The following STK32A variants were observed in gnomAD, a reference collection of about 807,000 sequenced individuals.
STK32A encodes serine/threonine kinase 32A, also known as serine/threonine-protein kinase 32A.
Under a neutral mutation model 53.2 loss-of-function variants are expected in STK32A, and 41 were observed. That is an observed-to-expected ratio of 0.77 (90% CI 0.60 to 1.00). The LOEUF (loss-of-function observed/expected upper bound fraction) is 1.00. Ranked by LOEUF, STK32A falls within the 50% of genes least tolerant of loss-of-function variation. STK32A has a pLI of 0.00. For missense variants in STK32A, 458 were observed against 485.8 expected (o/e 0.94, Z 0.54); for synonymous variants, 166 against 162.8 (o/e 1.02, Z -0.15).
chr5:147,257,728 C>T (rs1421360847), intron 2 of STK32A, among the ~76,000 whole-genome samples: 1 of 152,016 alleles, frequency 6.6e-6, no homozygotes, highest in African/African-American at 2.4e-5. Context: ...TCCTTCTTTC[C>T]ACCCTTTGAT....
At position 147,384,272 on chromosome 5, in the gene STK32A, T is replaced by G; in HGVS notation, c.*289T>G. ...GGGTTATACTAGACGAGCCATACCC[T>G]GCCTTTTTAGTGCTATAGTTGTTAT... is the stretch of plus-strand genomic sequence containing the variant. On this transcript the variant is annotated 3_prime_UTR_variant, in exon 13 of 13. Transcript: ENST00000397936. 1 of 1,346,170 alleles carries G rather than the reference T, an allele frequency of 7.4e-7. No homozygotes were observed. Among genetic ancestry groups the G allele is most frequent in the Non-Finnish European group, 9.8e-7 (1 of 1,020,316 alleles). 83.4% of individuals were successfully genotyped at this position (1,346,170 alleles called of 1,614,324 possible). A position where few individuals can be genotyped will look rare whatever the true frequency, so the allele number is the denominator to read the frequency against.
chr5:147,334,136 G>A (rs1002816331), intron 5 of STK32A, among the ~76,000 whole-genome samples: 38 of 152,134 alleles, frequency 2.5e-4, no homozygotes, highest in African/African-American at 9.2e-4. Context: ...GAGTAATTTG[G>A]AGACTGACAA....
the STK32A span, chr5:147,398,993 C>G: frequency 6.6e-7 from 1 of 1,518,712 alleles, no homozygotes; most frequent in Non-Finnish European, 8.9e-7. Flanking sequence ...GTCTAACTAC[C>G]CTGGCACACC....
At chr5:147,359,616 T>G (rs947330342) in intron 7 of STK32A, among the ~76,000 whole-genome samples, 2 of 152,156 alleles carry the variant, frequency 1.3e-5, no homozygotes, top group African/African-American at 4.8e-5. Flanking sequence ...ACCCATCACC[T>G]GGGGACTATC....
chr5:147,273,223 A>T (rs1237963756), intron 2 of STK32A, among the ~76,000 whole-genome samples: 23 of 152,204 alleles, frequency 1.5e-4, no homozygotes, highest in Admixed American at 1.5e-3. Flanking sequence ...AAGTATCATC[A>T]CTGGGTTTCA....
intron 5 of STK32A, among the ~76,000 whole-genome samples, chr5:147,338,939 A>G (rs902110373): frequency 2.0e-5 from 3 of 152,254 alleles, no homozygotes; most frequent in African/African-American, 4.8e-5. Flanking sequence ...TTTTAAAGAA[A>G]AGCAGGGAAT....
downstream of STK32A, chr5:147,391,632 C>A (rs1757807345): frequency 6.6e-6 from 1 of 152,134 alleles, no homozygotes; most frequent in Non-Finnish European, 1.5e-5. Flanking sequence ...TTTCCTAAAC[C>A]TTTTGTATAG....
At chr5:147,304,603 A>G (rs948537342) in intron 4 of STK32A, among the ~76,000 whole-genome samples, 4 of 152,200 alleles carry the variant, frequency 2.6e-5, no homozygotes, top group African/African-American at 9.6e-5. Flanking sequence ...AAGTCTGAGG[A>G]CTAAAGACAT....
intron 2 of STK32A, chr5:147,239,954 T>G (rs1753495078): frequency 2.5e-6 from 1 of 405,024 alleles, no homozygotes; most frequent in African/African-American, 2.1e-5. Flanking sequence ...GGTGGATAGT[T>G]AAATGATTTG....
intron 8 of STK32A, among the ~76,000 whole-genome samples, chr5:147,363,164 G>A (rs1341591722): frequency 6.6e-6 from 1 of 151,962 alleles, no homozygotes; most frequent in East Asian, 1.9e-4. Context: ...TACCATAGCT[G>A]TGGGATAGAG....
At chr5:147,258,386 A>T (rs998016629) in intron 2 of STK32A, among the ~76,000 whole-genome samples, 1 of 152,144 alleles carries the variant, frequency 6.6e-6, no homozygotes, top group Non-Finnish European at 1.5e-5. Flanking sequence ...CCACATTCTT[A>T]TGGCTCCTTA....
chr5:147,401,822 A>C, the STK32A span: 18 of 1,157,782 alleles, frequency 1.6e-5, no homozygotes, highest in Non-Finnish European at 2.0e-5. Context: ...CCTGGGTTCA[A>C]GTCCATGTTC....
At chr5:147,324,728 G>A (rs963614686) in intron 5 of STK32A, among the ~76,000 whole-genome samples, 14 of 152,152 alleles carry the variant, frequency 9.2e-5, no homozygotes, top group African/African-American at 3.4e-4. Flanking sequence ...TAAATGATCA[G>A]AGCAGATATA....
Position 147,377,351 on chromosome 5 carries a change from T to A in STK32A, c.1032+2133T>A, listed in dbSNP as rs552159426. On this transcript the variant is annotated intron_variant, in intron 11 of 12. Coordinates refer to ENST00000397936, the MANE Select transcript of STK32A (RefSeq NM_001112724.2). ...TTCCTTCCATGGTTTCCTTTAACTCTGAGCATATTCAAGACGGTTGTTTTA... is the reference window on the plus strand; with the variant it reads ...TTCCTTCCATGGTTTCCTTTAACTCAGAGCATATTCAAGACGGTTGTTTTA... Among the ~76,000 whole-genome samples, 52 of 152,252 alleles carry A rather than the reference T, an allele frequency of 3.4e-4. No homozygotes were observed. The East Asian group carries it at 7.9e-3, about 23-fold the overall frequency.
At chr5:147,271,605 T>G (rs534838812) in intron 2 of STK32A, among the ~76,000 whole-genome samples, 283 of 152,300 alleles carry the variant, frequency 1.9e-3, no homozygotes, top group African/African-American at 6.0e-3. Context: ...TTCTCAGCAA[T>G]GAACATCCCT....
the STK32A span, chr5:147,395,460 A>T: frequency 1.4e-6 from 2 of 1,438,486 alleles, no homozygotes; most frequent in Non-Finnish European, 1.9e-6. Context: ...AGGCTGGAAA[A>T]CTCCTTCAGG....
intron 2 of STK32A, among the ~76,000 whole-genome samples, chr5:147,266,879 C>A (rs1754834232): frequency 6.6e-6 from 1 of 151,946 alleles, no homozygotes; most frequent in African/African-American, 2.4e-5. Context: ...CAAAATTAGC[C>A]AGGCATGGTG....
intron 1 of STK32A, among the ~76,000 whole-genome samples, chr5:147,236,966 A>T (rs1220363145): frequency 6.6e-6 from 1 of 152,166 alleles, no homozygotes; most frequent in Admixed American, 6.5e-5. Flanking sequence ...TAAGCACAAA[A>T]TAAAAGACAA....
chr5:147,319,408 C>CT (rs1754186530), intron 4 of STK32A, among the ~76,000 whole-genome samples: 1 of 152,100 alleles, frequency 6.6e-6, no homozygotes, highest in Admixed American at 6.5e-5. Context: ...TCCCAAAGTG[C>CT]TGGGATTACA....
Sources: allele counts gnomAD v4.1 joint callset (sites outside exome capture counted in the v4.1 genomes callset), GRCh38; gene constraint gnomAD v4.1.1; transcripts MANE v1.5; gene names NCBI Gene and HGNC (gene_info 2026-07-23, HGNC 2026-07-21).